The following TOP2B variants were observed in gnomAD, a reference collection of about 807,000 sequenced individuals.
TOP2B encodes DNA topoisomerase II beta.
A neutral mutation model predicts 193.5 loss-of-function variants in TOP2B; 51 were observed. The ratio of observed to expected loss-of-function variants is 0.26; its 90% CI spans 0.21 to 0.33. TOP2B has a LOEUF of 0.33. Among genes scored for constraint, TOP2B ranks in the 10% least tolerant of loss-of-function variants. The pLI, the probability that TOP2B is intolerant of heterozygous loss-of-function variation, is 1.00. For missense variants in TOP2B, 1,378 were observed against 1,909.3 expected (o/e 0.72, Z 5.19); for synonymous variants, 634 against 635.7 (o/e 1.00, Z 0.04).
chr3:25,638,460 T>G, intron 4 of TOP2B, 150 bp from the exon 5 acceptor site: 1 of 1,022,394 alleles, frequency 9.8e-7, no homozygotes, highest in Non-Finnish European at 1.3e-6. Flanking sequence ...TGGAAGGCAC[T>G]GATTCATCTC....
At chr3:25,614,240 A>C (rs145511845) in intron 27 of TOP2B, among the ~76,000 whole-genome samples, 1 of 152,274 alleles carries the variant, frequency 6.6e-6, no homozygotes, top group East Asian at 1.9e-4. Flanking sequence ...TACAGGCATA[A>C]CCACAAAAGT....
chr3:25,629,991 GA>G, intron 13 of TOP2B, 37 bp downstream of exon 13: 1 of 1,538,742 alleles, frequency 6.5e-7, no homozygotes, highest in Non-Finnish European at 8.7e-7. Context: ...ATCTGAAGAA[GA>G]CATGAATTTG....
At chr3:25,618,367 G>A (rs1225513512) in intron 25 of TOP2B, 51 bp downstream of exon 25, 3 of 1,377,844 alleles carry the variant, frequency 2.2e-6, no homozygotes, top group Non-Finnish European at 2.0e-6. Flanking sequence ...TGTTTGTTTT[G>A]GAAGTTGCTT....
intron 12 of TOP2B, 25 bp downstream of exon 12, chr3:25,630,287 C>CAT (rs773831495): frequency 1.9e-6 from 3 of 1,540,080 alleles, no homozygotes; most frequent in Middle Eastern, 1.7e-4. Flanking sequence ...TGTGTATACA[C>CAT]ATATATATAC....
chr3:25,654,507 T>C (rs1273344145), intron 1 of TOP2B, among the ~76,000 whole-genome samples: 1 of 152,082 alleles, frequency 6.6e-6, no homozygotes, highest in African/African-American at 2.4e-5. Flanking sequence ...GTCCAAACTA[T>C]CCAAAGTGAT....
intron 6 of TOP2B, among the ~76,000 whole-genome samples, chr3:25,636,808 A>G (rs755102990): frequency 1.2e-4 from 18 of 152,180 alleles, no homozygotes; most frequent in Non-Finnish European, 2.5e-4. Flanking sequence ...AATAAAAATT[A>G]TTTTAGCTTA....
chr3:25,614,473 G>A (rs1409750965), intron 27 of TOP2B, among the ~76,000 whole-genome samples: 3 of 152,002 alleles, frequency 2.0e-5, no homozygotes, highest in South Asian at 2.1e-4. Context: ...TTGAAAGATC[G>A]TTGAGGGAGC....
intron 1 of TOP2B, among the ~76,000 whole-genome samples, chr3:25,654,663 C>T (rs959987345): frequency 6.6e-6 from 1 of 152,192 alleles, no homozygotes; most frequent in Admixed American, 6.5e-5. Flanking sequence ...AAAGGCCTCA[C>T]ACCTCCTGAT....
At chr3:25,614,288 C>T (rs1429984333) in intron 27 of TOP2B, among the ~76,000 whole-genome samples, 1 of 150,924 alleles carries the variant, frequency 6.6e-6, no homozygotes, top group Non-Finnish European at 1.5e-5. Context: ...AAATTTAAAG[C>T]AATATCAGGA....
chr3:25,634,794 A>AC (rs1396733688), intron 7 of TOP2B, among the ~76,000 whole-genome samples: 1 of 127,526 alleles, frequency 7.8e-6, no homozygotes, highest in African/African-American at 3.1e-5. Context: ...AAAAAAAAAA[A>AC]AAACCAAAAA....
Position 25,601,186 on chromosome 3 carries a change from G to A in TOP2B, c.4529C>T (p.Ala1510Val), listed in dbSNP as rs1340603495. Reference sequence around the variant, plus strand: ...CTCTACTACTTTCTTCTGTTTTGGGGCTCTCTTGGGCTTAGGGACTGTATC... The same window carrying A: ...CTCTACTACTTTCTTCTGTTTTGGGACTCTCTTGGGCTTAGGGACTGTATC... ...SSDTVPKPKR[A>V]PKQKKVVEAV... Residue 1510 changes from alanine (A) to valine (V), a missense_variant, in exon 34 of 36, where the codon GCC (alanine) becomes GTC (valine). Transcript: ENST00000264331. The A allele has an allele frequency of 6.2e-7, 1 of 1,613,656 alleles. No individual in the cohort carries two copies. The highest frequency in any genetic ancestry group is 1.1e-5 in the South Asian group (1 of 91,052).
In TOP2B at chr3:25,635,455, T is replaced by A. The variant is rs553232371; in HGVS notation, c.852+481A>T. On this transcript the variant is annotated intron_variant, in intron 7 of 35. Coordinates refer to ENST00000264331, the MANE Select transcript of TOP2B (RefSeq NM_001330700.2). ...TTTAAATAACTACAATTAATTAGTA[T>A]GTTAAAGTATCTAATGGAAAATGTA... Among the ~76,000 whole-genome samples, 3 of 152,320 alleles carry A rather than the reference T, an allele frequency of 2.0e-5. No individual in the cohort carries two copies. In the East Asian group the frequency reaches 5.8e-4, roughly 29 times the overall value.
chr3:25,611,669 G>A (rs369144586), intron 28 of TOP2B, among the ~76,000 whole-genome samples: 1 of 152,080 alleles, frequency 6.6e-6, no homozygotes. Context: ...TCCTGCTTGA[G>A]GTTAGGTCAA....
chr3:25,629,162 A>G lies in TOP2B; in HGVS notation c.1690-17T>C. The G allele has an allele frequency of 2.0e-6, 3 of 1,500,524 alleles. No homozygotes were observed. The highest frequency in any genetic ancestry group is 2.7e-6 in the Non-Finnish European group (3 of 1,112,830). 93.0% of individuals were successfully genotyped at this position (1,500,524 alleles called of 1,614,324 possible). A position where few individuals can be genotyped will look rare whatever the true frequency, so the allele number is the denominator to read the frequency against. On this transcript the variant is annotated splice_polypyrimidine_tract_variant and intron_variant, in intron 13 of 35. Coordinates refer to ENST00000264331, the MANE Select transcript of TOP2B (RefSeq NM_001330700.2). ...ATCTTGATCCTAAATAAATGTTAGT[A>G]AAGTAAAAAATGTTGTAATACTTTT...
intron 1 of TOP2B, among the ~76,000 whole-genome samples, chr3:25,653,540 C>T (rs948739598): frequency 6.6e-6 from 1 of 152,024 alleles, no homozygotes; most frequent in Non-Finnish European, 1.5e-5. Context: ...CTTAATACCC[C>T]ACAACCCCTG....
rs758130345 is a variant in TOP2B at position 25,607,304 on chromosome 3, TGTC to T, written c.4162_4164del (p.Asp1388del). On this transcript the variant is annotated inframe_deletion, in exon 31 of 36. Transcript: ENST00000264331. ...ACTTTCAATTCCTCTAAATCATTAT[TGTC>T]ATCATCATCATCATCAGCATCATCA... The T allele has an allele frequency of 3.2e-6, 5 of 1,556,698 alleles. No homozygotes were observed. The highest frequency in any genetic ancestry group is 2.7e-5 in the African/African-American group (2 of 73,428).
At chr3:25,612,395 A>T in intron 28 of TOP2B, 120 bp downstream of exon 28, 1 of 706,008 alleles carries the variant, frequency 1.4e-6, no homozygotes, top group Non-Finnish European at 2.2e-6. Context: ...ATTTCCTATT[A>T]CCATTGAAAT....
rs531026190 is a variant in TOP2B, at chr3:25,620,667, C to T, written c.2862+15G>A. The stretch of plus-strand genomic sequence containing the variant: ...CACTGCCCTTCCCTCAGGCAGATCA[C>T]ATATTTACACTGACCTGTGTCCAAG... On this transcript the variant is annotated intron_variant, in intron 22 of 35. Transcript: ENST00000264331. The T allele has an allele frequency of 3.8e-5, 61 of 1,607,416 alleles. No individual in the cohort carries two copies. In the South Asian group the frequency reaches 5.9e-4, roughly 16 times the overall value.
intron 1 of TOP2B, among the ~76,000 whole-genome samples, chr3:25,663,655 C>G (rs1224293411): frequency 2.0e-5 from 3 of 152,196 alleles, no homozygotes; most frequent in African/African-American, 7.2e-5. Context: ...GGACGACCTA[C>G]AGTATTAACT....
Sources: gnomAD v4.1 joint callset for allele counts (sites outside exome capture counted in the v4.1 genomes callset) on GRCh38, gnomAD v4.1.1 for gene constraint, MANE v1.5 for transcripts, NCBI Gene and HGNC (gene_info 2026-07-23, HGNC 2026-07-21) for gene names.